Variants in TRABD2B observed in about 807,000 individuals in gnomAD.
TRABD2B encodes TraB domain containing 2B.
In TRABD2B, 14 loss-of-function variants were observed where a neutral mutation model predicts 40.1. That is an observed-to-expected ratio of 0.35 (90% CI 0.23 to 0.55). The LOEUF is 0.55. Among genes scored for constraint, TRABD2B ranks in the 20% least tolerant of loss-of-function variants. The probability of loss-of-function intolerance (pLI) is 0.90; values close to 1 mark genes in which losing one functional copy is unlikely to be tolerated. For synonymous variants in TRABD2B, 263 were observed against 277.0 expected (o/e 0.95, Z 0.50); for missense variants, 541 against 648.6 (o/e 0.83, Z 1.80).
chr1:47,819,246 C>T (rs1468354497), intron 2 of TRABD2B: 5 of 152,406 alleles, frequency 3.3e-5, no homozygotes, highest in East Asian at 1.9e-4. Context: ...CTTTTCCCTC[C>T]AGTCGCTCCA....
chr1:47,765,840 G>A lies in TRABD2B; in HGVS notation c.*62C>T. On this transcript the variant is annotated 3_prime_UTR_variant, in exon 7 of 7. Transcript: ENST00000606738. ...CCCCCTGGAGGTGGTGGCAGGAGCA[G>A]TTGGGTGTGGCCGAAGACCCCTGTG... 1.4e-6 allele frequency: 1 copy of A among 702,872 alleles called. No homozygotes were observed. Among genetic ancestry groups the A allele is most frequent in the Non-Finnish European group, 2.6e-6 (1 of 384,922 alleles). 43.5% of individuals were successfully genotyped at this position (702,872 alleles called of 1,614,324 possible).
At chr1:47,871,869 A>T (rs1007654547) in intron 2 of TRABD2B, among the ~76,000 whole-genome samples, 3 of 152,218 alleles carry the variant, frequency 2.0e-5, no homozygotes, top group African/African-American at 7.2e-5. Context: ...ACAATGGCCA[A>T]ATGGCCTCTG....
At chr1:47,883,214 G>A (rs922892820) in intron 2 of TRABD2B, among the ~76,000 whole-genome samples, 1 of 152,136 alleles carries the variant, frequency 6.6e-6, no homozygotes, top group Non-Finnish European at 1.5e-5. Context: ...CCTTGTCCAA[G>A]GCCACACCTG....
chr1:47,910,084 T>C (rs1330440500), intron 2 of TRABD2B, among the ~76,000 whole-genome samples: 1 of 151,746 alleles, frequency 6.6e-6, no homozygotes, highest in African/African-American at 2.4e-5. Flanking sequence ...GGCCTTGACC[T>C]CCTGAGCTCA....
chr1:47,966,050 G>A (rs765294215), intron 2 of TRABD2B, among the ~76,000 whole-genome samples: 14 of 152,176 alleles, frequency 9.2e-5, no homozygotes, highest in Non-Finnish European at 2.1e-4. Flanking sequence ...AGAACTGTCT[G>A]GCGCTGTTTA....
chr1:47,818,696 G>C (rs766440901), intron 2 of TRABD2B: 1 of 152,260 alleles, frequency 6.6e-6, no homozygotes, highest in Non-Finnish European at 1.5e-5. Flanking sequence ...CCAGGGAGAG[G>C]AAAGAGCGCT....
chr1:47,955,085 TCTC>T (rs1188992801), intron 2 of TRABD2B, among the ~76,000 whole-genome samples: 1 of 152,136 alleles, frequency 6.6e-6, no homozygotes, highest in East Asian at 1.9e-4. Context: ...CCTCTTGGCC[TCTC>T]CTCCTAAACA....
chr1:47,803,106 TTAGCTGTCC>T (rs1644844958), intron 2 of TRABD2B, among the ~76,000 whole-genome samples: 4 of 152,224 alleles, frequency 2.6e-5, no homozygotes, highest in African/African-American at 9.6e-5. Context: ...AAACTCAGAC[TTAGCTGTCC>T]AGACTCTCCT....
intron 2 of TRABD2B, among the ~76,000 whole-genome samples, chr1:47,991,331 T>TG: frequency 6.6e-6 from 1 of 152,246 alleles, no homozygotes. Flanking sequence ...AATCATCCTA[T>TG]GGAATGTCAG....
intron 2 of TRABD2B, among the ~76,000 whole-genome samples, chr1:47,893,591 T>C (rs1293333081): frequency 6.6e-6 from 1 of 152,236 alleles, no homozygotes; most frequent in Non-Finnish European, 1.5e-5. Flanking sequence ...ATTTCAATGC[T>C]TGAGAGCTTG....
chr1:47,875,467 G>A (rs1402653907), intron 2 of TRABD2B, among the ~76,000 whole-genome samples: 1 of 151,866 alleles, frequency 6.6e-6, no homozygotes, highest in Non-Finnish European at 1.5e-5. Context: ...CAGGAGCACC[G>A]CTTTACCCCA....
At chr1:47,809,616 GATTT>G (rs921435656) in intron 2 of TRABD2B, among the ~76,000 whole-genome samples, 4 of 152,206 alleles carry the variant, frequency 2.6e-5, no homozygotes, top group African/African-American at 7.2e-5. Flanking sequence ...CTCTGGCTGA[GATTT>G]ATTTATTTAT....
chr1:47,827,650 T>C (rs572134148), intron 2 of TRABD2B, among the ~76,000 whole-genome samples: 1 of 152,298 alleles, frequency 6.6e-6, no homozygotes, highest in Admixed American at 6.5e-5. Context: ...CAGCCACTTG[T>C]CACTGCTCTG....
At chr1:47,786,044 G>A (rs1338311717) in intron 4 of TRABD2B, among the ~76,000 whole-genome samples, 1 of 152,226 alleles carries the variant, frequency 6.6e-6, no homozygotes, top group Non-Finnish European at 1.5e-5. Context: ...AGGGGCCAGG[G>A]ACCCTGAAAT....
At chr1:47,868,787 C>G (rs992708309) in intron 2 of TRABD2B, among the ~76,000 whole-genome samples, 9 of 152,186 alleles carry the variant, frequency 5.9e-5, no homozygotes, top group African/African-American at 2.2e-4. Flanking sequence ...ACTAGGGGGA[C>G]ATCACTCTAC....
chr1:47,978,572 A>AG (rs1468151260), intron 2 of TRABD2B, among the ~76,000 whole-genome samples: 1 of 152,060 alleles, frequency 6.6e-6, no homozygotes, highest in Non-Finnish European at 1.5e-5. Flanking sequence ...TGCAGAATTT[A>AG]GGTCAGCACA....
intron 2 of TRABD2B, among the ~76,000 whole-genome samples, chr1:47,914,142 T>G (rs1644798333): frequency 6.6e-6 from 1 of 152,228 alleles, no homozygotes; most frequent in African/African-American, 2.4e-5. Context: ...GGGGGCAAAT[T>G]ATCCACCTTT....
chr1:47,762,560 G>A lies in TRABD2B; in HGVS notation c.*3342C>T, dbSNP rs772115424. The A allele has an allele frequency of 2.0e-5, 3 of 152,200 alleles. No individual in the cohort carries two copies. The highest frequency in any genetic ancestry group is 4.4e-5 in the Non-Finnish European group (3 of 68,052). 9.4% of individuals were successfully genotyped at this position (152,200 alleles called of 1,614,324 possible). On this transcript the variant is annotated 3_prime_UTR_variant, in exon 7 of 7. Coordinates refer to ENST00000606738, the MANE Select transcript of TRABD2B (RefSeq NM_001194986.2). ...CACCTAGGCTTGTCCAGGTCTAGCC[G>A]AGGCCAGGAAGTTGTAGATAACACA...
chr1:47,923,133 A>C (rs1457727039), intron 2 of TRABD2B, among the ~76,000 whole-genome samples: 1 of 152,108 alleles, frequency 6.6e-6, no homozygotes, highest in Non-Finnish European at 1.5e-5. Context: ...TCCCCTGCCC[A>C]ACCTGCTCAG....
Sources: allele counts gnomAD v4.1 joint callset (sites outside exome capture counted in the v4.1 genomes callset), GRCh38; gene constraint gnomAD v4.1.1; transcripts MANE v1.5; gene names NCBI Gene and HGNC (gene_info 2026-07-23, HGNC 2026-07-21).